MALRD1: variants seen among roughly 807,000 people sequenced by gnomAD.
The protein encoded by MALRD1 is MAM and LDL-receptor class A domain-containing protein 1.
Under a neutral mutation model 242.1 loss-of-function variants are expected in MALRD1, and 247 were observed. The ratio of observed to expected loss-of-function variants is 1.02; its 90% CI spans 0.92 to 1.13. The LOEUF is 1.13. MALRD1 is among the 50% of genes most tolerant of loss of function. MALRD1 has a pLI of 0.00. For missense variants in MALRD1, 2,989 were observed against 2,533.1 expected, an observed-to-expected ratio of 1.18 and a Z score of -3.86; for synonymous variants, 995 against 866.6, an observed-to-expected ratio of 1.15 and a Z score of -2.60.
intron 18 of MALRD1, among the ~76,000 whole-genome samples, chr10:19,216,483 C>G (rs554588166): frequency 6.6e-6 from 1 of 152,040 alleles, no homozygotes; most frequent in South Asian, 2.1e-4. Context: ...TACTTTCCTC[C>G]CCACTCCCTG....
At chr10:19,100,242 G>A (rs531911252) in intron 4 of MALRD1, among the ~76,000 whole-genome samples, 1 of 151,944 alleles carries the variant, frequency 6.6e-6, no homozygotes, top group Non-Finnish European at 1.5e-5. Context: ...CCTCCACTTC[G>A]AGAAATATTT....
intron 38 of MALRD1, among the ~76,000 whole-genome samples, chr10:19,725,505 T>C (rs1328459785): frequency 2.0e-5 from 3 of 152,200 alleles, no homozygotes; most frequent in Non-Finnish European, 2.9e-5. Flanking sequence ...CAGGTATTTC[T>C]TCACAGCAGC....
chr10:19,353,774 T>C (rs141496014), intron 26 of MALRD1, among the ~76,000 whole-genome samples: 107 of 152,366 alleles, frequency 7.0e-4, no homozygotes, highest in African/African-American at 2.5e-3. Context: ...ATAGGTCTTA[T>C]ATAAGTCTGG....
At chr10:19,151,424 TTATACA>T (rs1439215659) in intron 11 of MALRD1, among the ~76,000 whole-genome samples, 3 of 152,184 alleles carry the variant, frequency 2.0e-5, no homozygotes, top group Admixed American at 2.0e-4. Context: ...AGCTAGGAAC[TTATACA>T]TATATATTTT....
intron 21 of MALRD1, among the ~76,000 whole-genome samples, chr10:19,299,229 A>G (rs962119023): frequency 6.6e-6 from 1 of 152,014 alleles, no homozygotes. Flanking sequence ...AATTAATAGT[A>G]TAAAAAGCAG....
At chr10:19,699,029 C>T (rs1031975673) in intron 38 of MALRD1, among the ~76,000 whole-genome samples, 1 of 151,708 alleles carries the variant, frequency 6.6e-6, no homozygotes, top group African/African-American at 2.4e-5. Context: ...TATCACACAC[C>T]GGGGCCTGTT....
chr10:19,144,149 G>A (rs746086617), intron 10 of MALRD1, among the ~76,000 whole-genome samples: 8 of 152,178 alleles, frequency 5.3e-5, no homozygotes, highest in East Asian at 3.9e-4. Flanking sequence ...TTTTTTATTT[G>A]TAGGGAAATC....
At chr10:19,446,165 A>C (rs1007418966) in intron 28 of MALRD1, among the ~76,000 whole-genome samples, 26 of 141,508 alleles carry the variant, frequency 1.8e-4, no homozygotes, top group Non-Finnish European at 4.0e-4. Flanking sequence ...GAGTGTCCTG[A>C]TTTTCCATGT....
At position 19,338,872 on chromosome 10, in the gene MALRD1, TAC is replaced by T. The variant is rs149133712; in HGVS notation, c.3901+7301_3901+7302del. Among the ~76,000 whole-genome samples the T allele has an allele frequency of 6.0e-3, 903 of 149,270 alleles. 18 individuals are homozygous for T. In the East Asian group the frequency reaches 0.072, roughly 12 times the overall value. On this transcript the variant is annotated intron_variant, in intron 24 of 39. Coordinates refer to ENST00000454679, the MANE Select transcript of MALRD1 (RefSeq NM_001142308.3). ...ATTTCTAACTATATGTATATATATA[TAC>T]ACACACACACGCACATATATACATA...
chr10:19,360,128 A>G (rs900940053), intron 26 of MALRD1, among the ~76,000 whole-genome samples: 1 of 152,156 alleles, frequency 6.6e-6, no homozygotes, highest in African/African-American at 2.4e-5. Context: ...TTTCATTTAT[A>G]TAAGCAGGAC....
intron 18 of MALRD1, among the ~76,000 whole-genome samples, chr10:19,218,072 A>G (rs1188349589): frequency 1.3e-5 from 2 of 151,996 alleles, no homozygotes; most frequent in Non-Finnish European, 2.9e-5. Context: ...AGAGTTCCTT[A>G]GTGACATGAA....
intron 2 of MALRD1, among the ~76,000 whole-genome samples, chr10:19,086,421 G>C (rs1051865741): frequency 5.3e-5 from 8 of 151,968 alleles, no homozygotes; most frequent in African/African-American, 1.7e-4. Flanking sequence ...GAAAACAATG[G>C]TTCTCAGATT....
At chr10:19,515,534 C>G (rs1833585136) in intron 31 of MALRD1, among the ~76,000 whole-genome samples, 1 of 151,484 alleles carries the variant, frequency 6.6e-6, no homozygotes, top group South Asian at 2.1e-4. Flanking sequence ...TTCCCGTAGC[C>G]TCAACTTTCT....
intron 31 of MALRD1, 99 bp downstream of exon 31, chr10:19,498,745 T>TG: frequency 7.4e-7 from 1 of 1,359,948 alleles, no homozygotes; most frequent in South Asian, 1.5e-5. Flanking sequence ...TATGTGTATG[T>TG]GGGGACAGAG....
At chr10:19,385,958 A>T (rs979496950) in intron 26 of MALRD1, among the ~76,000 whole-genome samples, 6 of 152,110 alleles carry the variant, frequency 3.9e-5, no homozygotes, top group Admixed American at 1.3e-4. Context: ...AACCAAAAAA[A>T]TTTTGTCATA....
chr10:19,268,119 A>G (rs1027471062), intron 19 of MALRD1, among the ~76,000 whole-genome samples: 6 of 152,150 alleles, frequency 3.9e-5, no homozygotes, highest in African/African-American at 1.2e-4. Context: ...GAAATTTTCC[A>G]TCTGCTACTT....
At chr10:19,699,144 C>G (rs1833504333) in intron 38 of MALRD1, among the ~76,000 whole-genome samples, 1 of 151,868 alleles carries the variant, frequency 6.6e-6, no homozygotes, top group South Asian at 2.1e-4. Context: ...ACCACCATGG[C>G]ACATGTATAC....
chr10:19,496,175 T>C (rs1837712848), intron 30 of MALRD1, among the ~76,000 whole-genome samples: 1 of 152,010 alleles, frequency 6.6e-6, no homozygotes, highest in Non-Finnish European at 1.5e-5. Flanking sequence ...GGCAGAAAAT[T>C]AACAAAGATA....
intron 15 of MALRD1, 123 bp downstream of exon 15, chr10:19,204,003 G>T: frequency 1.7e-6 from 2 of 1,168,592 alleles, no homozygotes; most frequent in Middle Eastern, 4.1e-4. Flanking sequence ...GTTGAATATT[G>T]TCAATTACAG....
Sources: allele counts gnomAD v4.1 joint callset (sites outside exome capture counted in the v4.1 genomes callset), GRCh38; gene constraint gnomAD v4.1.1; transcripts MANE v1.5; gene names NCBI Gene and HGNC (gene_info 2026-07-23, HGNC 2026-07-21).